The following IL1RAPL1 variants were observed in gnomAD, a reference collection of about 807,000 sequenced individuals.
IL1RAPL1 encodes interleukin-1 receptor accessory protein-like 1.
Under a neutral mutation model 48.4 loss-of-function variants are expected in IL1RAPL1, and 3 were observed. The ratio of observed to expected loss-of-function variants is 0.06; its 90% CI spans 0.03 to 0.16. IL1RAPL1 has a LOEUF of 0.16. IL1RAPL1 is among the 10% of genes least tolerant of loss of function. The pLI is 1.00. For missense variants in IL1RAPL1, 349 were observed against 530.6 expected (o/e 0.66, Z 3.36); for synonymous variants, 185 against 187.7 (o/e 0.99, Z 0.12).
At chrX:29,251,629 AC>A (rs1207092232) in intron 2 of IL1RAPL1, among the ~76,000 whole-genome samples, 2 of 111,094 alleles carry the variant, frequency 1.8e-5, no homozygotes, top group African/African-American at 6.5e-5. Flanking sequence ...AAGGGGCAAG[AC>A]ATGTAGCCAT....
chrX:29,534,343 G>C (rs1269024596), intron 5 of IL1RAPL1, among the ~76,000 whole-genome samples: 1 of 111,404 alleles, frequency 9.0e-6, no homozygotes, highest in Non-Finnish European at 1.9e-5. Context: ...TGACCAAAAG[G>C]CATTAGAACT....
chrX:29,501,795 GTTT>G (rs36045396), intron 5 of IL1RAPL1, among the ~76,000 whole-genome samples: 16 of 80,579 alleles, frequency 2.0e-4, no homozygotes, highest in African/African-American at 4.9e-4. Flanking sequence ...GCTTATTTGA[GTTT>G]TTTTTTTTTT....
At chrX:29,122,023 T>C (rs1229582218) in intron 2 of IL1RAPL1, among the ~76,000 whole-genome samples, 1 of 111,859 alleles carries the variant, frequency 8.9e-6, no homozygotes, top group Non-Finnish European at 1.9e-5. Flanking sequence ...TTAATGTAAG[T>C]AACTTATCTT....
At chrX:29,382,885 C>T (rs910501526) in intron 3 of IL1RAPL1, among the ~76,000 whole-genome samples, 1 of 111,456 alleles carries the variant, frequency 9.0e-6, no homozygotes, top group Non-Finnish European at 1.9e-5. Flanking sequence ...AAAGTTGGAT[C>T]TGGAGAACAG....
chrX:28,741,752 C>T (rs370666749), intron 1 of IL1RAPL1, among the ~76,000 whole-genome samples: 2 of 111,881 alleles, frequency 1.8e-5, no homozygotes, highest in African/African-American at 6.5e-5. Context: ...CTTTCTTTTG[C>T]ACCCTGCACT....
At chrX:28,878,716 G>A (rs1871309513) in intron 2 of IL1RAPL1, among the ~76,000 whole-genome samples, 1 of 111,508 alleles carries the variant, frequency 9.0e-6, no homozygotes, top group African/African-American at 3.3e-5. Flanking sequence ...AGGGTGGGAA[G>A]ACATCTTTAA....
intron 2 of IL1RAPL1, among the ~76,000 whole-genome samples, chrX:29,186,187 T>A (rs916455170): frequency 8.9e-6 from 1 of 112,146 alleles, no homozygotes; most frequent in African/African-American, 3.2e-5. Flanking sequence ...AAATGAATGA[T>A]GATCATACCA....
chrX:29,109,659 A>T (rs774358143), intron 2 of IL1RAPL1, among the ~76,000 whole-genome samples: 6 of 110,778 alleles, frequency 5.4e-5, no homozygotes, highest in Non-Finnish European at 1.1e-4. Context: ...AGTTGTGGAC[A>T]TTGAGTATAT....
At chrX:29,052,634 A>G (rs1304748710) in intron 2 of IL1RAPL1, among the ~76,000 whole-genome samples, 1 of 106,667 alleles carries the variant, frequency 9.4e-6, no homozygotes, top group African/African-American at 3.5e-5. Context: ...TTGAATTTTC[A>G]GATTACACGT....
chrX:29,035,110 ATTTGTTTG>A (rs746927010), intron 2 of IL1RAPL1, among the ~76,000 whole-genome samples: 15 of 110,541 alleles, frequency 1.4e-4, no homozygotes, highest in African/African-American at 4.9e-4. Flanking sequence ...AATTTTTTGT[ATTTGTTTG>A]TTTGTTTGTT....
chrX:29,746,843 A>G (rs1001572786), intron 6 of IL1RAPL1, among the ~76,000 whole-genome samples: 15 of 112,498 alleles, frequency 1.3e-4, no homozygotes, highest in African/African-American at 4.8e-4. Flanking sequence ...ACTGGCCTCA[A>G]GTGATCCACC....
At chrX:28,864,580 G>T (rs1192665720) in intron 2 of IL1RAPL1, among the ~76,000 whole-genome samples, 1 of 111,424 alleles carries the variant, frequency 9.0e-6, no homozygotes, top group African/African-American at 3.3e-5. Flanking sequence ...TGAACAGAGA[G>T]AGTTCTAAAT....
intron 2 of IL1RAPL1, among the ~76,000 whole-genome samples, chrX:29,231,704 T>A (rs1050853534): frequency 8.9e-6 from 1 of 111,741 alleles, no homozygotes; most frequent in Non-Finnish European, 1.9e-5. Context: ...TCGGGAGATG[T>A]GAGATGGAAA....
chrX:29,626,929 C>A (rs1267703871), intron 5 of IL1RAPL1, among the ~76,000 whole-genome samples: 3 of 112,031 alleles, frequency 2.7e-5, no homozygotes, highest in African/African-American at 6.5e-5. Flanking sequence ...AAATATAACG[C>A]CTACGTAACT....
At chrX:29,154,975 G>T (rs1929539040) in intron 2 of IL1RAPL1, among the ~76,000 whole-genome samples, 1 of 109,852 alleles carries the variant, frequency 9.1e-6, no homozygotes, top group Non-Finnish European at 1.9e-5. Flanking sequence ...GCTGGCTAGA[G>T]TCTAACATGG....
rs138156707 is a variant in IL1RAPL1, at chrX:29,364,687, G to T, written c.363-31571G>T. Among the ~76,000 whole-genome samples the T allele has an allele frequency of 4.6e-3, 509 of 110,727 alleles. 3 individuals are homozygous for T. The highest frequency in any genetic ancestry group is 0.013 in the African/African-American group (404 of 30,468). ...CAGTGTAACAACTATTTACACAGTT[G>T]GATTAGGTATTGTAAGTACATACAT... On this transcript the variant is annotated intron_variant, in intron 3 of 10. Coordinates refer to ENST00000378993, the MANE Select transcript of IL1RAPL1 (RefSeq NM_014271.4).
intron 2 of IL1RAPL1, among the ~76,000 whole-genome samples, chrX:28,931,976 A>G: frequency 9.2e-6 from 1 of 109,127 alleles, no homozygotes; most frequent in Non-Finnish European, 1.9e-5. Flanking sequence ...CGGGAGGCAG[A>G]GCTTGCAGTG....
chrX:28,862,899 T>C (rs1231335620), intron 2 of IL1RAPL1, among the ~76,000 whole-genome samples: 4 of 104,194 alleles, frequency 3.8e-5, no homozygotes, highest in Non-Finnish European at 7.9e-5. Flanking sequence ...TTTTTTTTTT[T>C]AGTTGGAGTC....
At chrX:29,703,919 G>T (rs978826854) in intron 6 of IL1RAPL1, among the ~76,000 whole-genome samples, 7 of 111,056 alleles carry the variant, frequency 6.3e-5, no homozygotes, top group Non-Finnish European at 1.3e-4. Flanking sequence ...GTTTTATGGT[G>T]TCAAATTTTG....
Sources: gnomAD v4.1 joint callset for allele counts (sites outside exome capture counted in the v4.1 genomes callset) on GRCh38, gnomAD v4.1.1 for gene constraint, MANE v1.5 for transcripts, NCBI Gene and HGNC (gene_info 2026-07-23, HGNC 2026-07-21) for gene names.